Variants in YIPF7 observed in about 807,000 individuals in gnomAD.
YIPF7 encodes Yip1 domain family member 7, also known as protein YIPF7.
YIPF7 carries 35 observed loss-of-function variants against 27.2 expected under a neutral mutation model. The observed-to-expected ratio is 1.29, with a 90% CI of 0.98 to 1.70. YIPF7 has a LOEUF of 1.70. Ranked by LOEUF, YIPF7 falls within the 40% of genes most tolerant of loss-of-function variation. The pLI, the probability that YIPF7 is intolerant of heterozygous loss-of-function variation, is 0.00. For missense variants in YIPF7, 358 were observed against 303.7 expected (o/e 1.18, Z -1.33); for synonymous variants, 137 against 110.4 (o/e 1.24, Z -1.51).
At chr4:44,636,964 C>T (rs561865822) in intron 2 of YIPF7, among the ~76,000 whole-genome samples, 9 of 152,134 alleles carry the variant, frequency 5.9e-5, no homozygotes, top group Admixed American at 2.6e-4. Flanking sequence ...TCCATGTGTA[C>T]GTATTTTTAG....
chr4:44,653,302 A>G (rs1468967191), upstream of YIPF7, among the ~76,000 whole-genome samples: 5 of 152,100 alleles, frequency 3.3e-5, no homozygotes, highest in African/African-American at 7.2e-5. Flanking sequence ...TTGAAATGAA[A>G]TGTCATTCTA....
At chr4:44,623,478 C>A (rs1712515107) in intron 5 of YIPF7, among the ~76,000 whole-genome samples, 1 of 152,152 alleles carries the variant, frequency 6.6e-6, no homozygotes, top group Non-Finnish European at 1.5e-5. Flanking sequence ...CTTACTTGAT[C>A]TTGGTTTGAC....
chr4:44,625,839 T>C (rs1245807159), intron 4 of YIPF7, among the ~76,000 whole-genome samples: 1 of 152,210 alleles, frequency 6.6e-6, no homozygotes, highest in African/African-American at 2.4e-5. Context: ...AAAAAATTCA[T>C]TAATTTTTTA....
intron 2 of YIPF7, among the ~76,000 whole-genome samples, chr4:44,660,132 A>AAAAAAAAAAAAAAAAAAAAAG (rs1714008198): frequency 1.4e-5 from 2 of 147,858 alleles, no homozygotes; most frequent in Non-Finnish European, 3.0e-5. Flanking sequence ...AAAAAAAAAA[A>AAAAAAAAAAAAAAAAAAAAAG]AAAACGAACC....
At chr4:44,638,705 A>G (rs1012951931) in intron 2 of YIPF7, among the ~76,000 whole-genome samples, 2 of 151,936 alleles carry the variant, frequency 1.3e-5, no homozygotes, top group Non-Finnish European at 2.9e-5. Context: ...ATTAAATCCC[A>G]TTTGTCTATT....
At chr4:44,651,457 G>T (rs1229890014) in intron 1 of YIPF7, 97 bp downstream of exon 1, 1 of 679,826 alleles carries the variant, frequency 1.5e-6, no homozygotes, top group Non-Finnish European at 2.3e-6. Flanking sequence ...AACATGCAAA[G>T]CTTTATGTAA....
intron 2 of YIPF7, among the ~76,000 whole-genome samples, chr4:44,644,080 C>T (rs568244299): frequency 5.3e-5 from 8 of 152,266 alleles, no homozygotes; most frequent in African/African-American, 1.9e-4. Context: ...AACTTGCAAC[C>T]TGCATCTAGA....
intron 2 of YIPF7, among the ~76,000 whole-genome samples, chr4:44,648,899 G>A (rs1310848520): frequency 1.3e-5 from 2 of 151,986 alleles, no homozygotes; most frequent in Non-Finnish European, 2.9e-5. Flanking sequence ...TACTCTAAAT[G>A]CCATATTTTG....
At chr4:44,627,907 G>T (rs968281341) in intron 4 of YIPF7, among the ~76,000 whole-genome samples, 2 of 152,056 alleles carry the variant, frequency 1.3e-5, no homozygotes, top group African/African-American at 2.4e-5. Flanking sequence ...TATAAGAAGG[G>T]TTATGTAAAT....
chr4:44,634,450 T>C (rs1020331391), intron 3 of YIPF7, among the ~76,000 whole-genome samples: 1 of 152,068 alleles, frequency 6.6e-6, no homozygotes, highest in Non-Finnish European at 1.5e-5. Context: ...GAGGATCGCT[T>C]GAACCCGGGA....
At chr4:44,629,965 C>T (rs970851584) in intron 3 of YIPF7, among the ~76,000 whole-genome samples, 14 of 152,056 alleles carry the variant, frequency 9.2e-5, no homozygotes, top group Non-Finnish European at 1.9e-4. Flanking sequence ...CCTTTTCCTG[C>T]ATTTTCTGTT....
At chr4:44,661,288 G>A (rs1451895391) in intron 1 of YIPF7, among the ~76,000 whole-genome samples, 1 of 152,152 alleles carries the variant, frequency 6.6e-6, no homozygotes, top group Admixed American at 6.5e-5. Flanking sequence ...ACTTAGCCGG[G>A]CTTCTAAATA....
At chr4:44,656,770 GCT>G (rs1162147520) in intron 2 of YIPF7, among the ~76,000 whole-genome samples, 1 of 150,222 alleles carries the variant, frequency 6.7e-6, no homozygotes, top group African/African-American at 2.4e-5. Context: ...ATTTACAAAT[GCT>G]CTCTCTTGTA....
At chr4:44,653,884 T>C (rs1452797558), upstream of YIPF7, among the ~76,000 whole-genome samples, 1 of 152,112 alleles carries the variant, frequency 6.6e-6, no homozygotes, top group Non-Finnish European at 1.5e-5. Flanking sequence ...ACAAAAAGCC[T>C]ACCAAAGATA....
rs368868075 is a variant in YIPF7, at chr4:44,629,576, A to G, written c.281-28T>C. 1.9e-5 allele frequency: 28 copies of G among 1,457,700 alleles called. No homozygotes were observed. The African/African-American group carries it at 4.0e-4, about 21-fold the overall frequency. The allele number at this position is 1,457,700 out of a possible 1,614,324, so 90.3% of individuals were successfully genotyped here. On this transcript the variant is annotated intron_variant, in intron 3 of 5. Coordinates refer to ENST00000415895, the MANE Select transcript of YIPF7 (RefSeq NM_182592.3). ...GTAAAAAGGAAAAAAGATAAATAATATGATAACATAAATATAGAAAAATAA... is the reference window on the plus strand; with the variant it reads ...GTAAAAAGGAAAAAAGATAAATAATGTGATAACATAAATATAGAAAAATAA...
chr4:44,656,636 A>C (rs977653991), intron 2 of YIPF7, among the ~76,000 whole-genome samples: 22 of 152,236 alleles, frequency 1.4e-4, no homozygotes, highest in African/African-American at 5.3e-4. Context: ...CTGGATCAAC[A>C]GCAAGCATCC....
chr4:44,623,858 G>A (rs116278823), intron 5 of YIPF7, among the ~76,000 whole-genome samples: 1,927 of 152,254 alleles, frequency 0.013, 45 homozygotes, highest in African/African-American at 0.044. Flanking sequence ...ACGTGGCAAA[G>A]AGCCCAGCTG....
intron 2 of YIPF7, among the ~76,000 whole-genome samples, chr4:44,644,461 T>C (rs1713453311): frequency 6.6e-6 from 1 of 152,248 alleles, no homozygotes; most frequent in African/African-American, 2.4e-5. Flanking sequence ...ACAAATTTGC[T>C]TTAAGATTTA....
At chr4:44,636,506 CA>C (rs1282741177) in intron 2 of YIPF7, among the ~76,000 whole-genome samples, 1 of 152,192 alleles carries the variant, frequency 6.6e-6, no homozygotes, top group Non-Finnish European at 1.5e-5. Context: ...CTGCTCGCCA[CA>C]CACTGATGCT....
Sources: gnomAD v4.1 joint callset for allele counts (sites outside exome capture counted in the v4.1 genomes callset) on GRCh38, gnomAD v4.1.1 for gene constraint, MANE v1.5 for transcripts, NCBI Gene and HGNC (gene_info 2026-07-23, HGNC 2026-07-21) for gene names.